The following SSH2 variants were observed in gnomAD, a reference collection of about 807,000 sequenced individuals.
SSH2 encodes slingshot protein phosphatase 2, also known as protein phosphatase Slingshot homolog 2.
SSH2 carries 37 observed loss-of-function variants against 135.2 expected under a neutral mutation model. The observed-to-expected ratio is 0.27, with a 90% confidence interval of 0.21 to 0.36. The LOEUF (loss-of-function observed/expected upper bound fraction) is 0.36. Among genes scored for constraint, SSH2 ranks in the 10% least tolerant of loss-of-function variants. The pLI is 1.00. For synonymous variants in SSH2, 628 were observed against 646.2 expected, an observed-to-expected ratio of 0.97 and a Z score of 0.43; for missense variants, 1,408 against 1,765.3, an observed-to-expected ratio of 0.80 and a Z score of 3.63.
intron 3 of SSH2, among the ~76,000 whole-genome samples, chr17:29,709,052 A>AGAGAGAGAGAGAGCGC (rs1491229455): frequency 2.4e-4 from 34 of 144,644 alleles, no homozygotes; most frequent in African/African-American, 7.9e-4. Flanking sequence ...AGAGAGAGAG[A>AGAGAGAGAGAGAGCGC]GCTAATAATA....
intron 2 of SSH2, among the ~76,000 whole-genome samples, chr17:29,805,011 T>G (rs1199097082): frequency 1.3e-5 from 2 of 151,664 alleles, no homozygotes; most frequent in Non-Finnish European, 2.9e-5. Flanking sequence ...GCAATAAGTC[T>G]TACAGTGTTC....
At chr17:29,734,084 AAT>A (rs1253379270) in intron 3 of SSH2, among the ~76,000 whole-genome samples, 3 of 151,938 alleles carry the variant, frequency 2.0e-5, no homozygotes, top group African/African-American at 7.3e-5. Context: ...ATGCCTGGCT[AAT>A]TTTTGTATTA....
At chr17:29,707,859 C>A (rs1044257981) in intron 3 of SSH2, among the ~76,000 whole-genome samples, 1 of 151,524 alleles carries the variant, frequency 6.6e-6, no homozygotes, top group Non-Finnish European at 1.5e-5. Context: ...ATAATAGGCG[C>A]GATACAGGCT....
chr17:29,704,054 C>A (rs2039099956), intron 3 of SSH2, among the ~76,000 whole-genome samples: 1 of 152,174 alleles, frequency 6.6e-6, no homozygotes, highest in East Asian at 1.9e-4. Context: ...CCAATGAGAA[C>A]AGAGCTTCTT....
rs140674798 is a variant in SSH2, at chr17:29,670,773, C to T, written c.809+1162G>A. 1.8e-3 allele frequency among the ~76,000 whole-genome samples: 278 copies of T among 152,086 alleles called. 2 individuals carry two copies. Among genetic ancestry groups the T allele is most frequent in the African/African-American group, 6.5e-3 (270 of 41,464 alleles). ...TGGGCGACAGAGTGAGACTTGGTCT[C>T]AAAAACTAAAATAAAATAAATTACT... On this transcript the variant is annotated intron_variant, in intron 9 of 15. Coordinates refer to ENST00000540801, the MANE Select transcript of SSH2 (RefSeq NM_001282129.2).
At chr17:29,670,977 C>G (rs2037469174) in intron 9 of SSH2, among the ~76,000 whole-genome samples, 1 of 152,064 alleles carries the variant, frequency 6.6e-6, no homozygotes, top group Non-Finnish European at 1.5e-5. Flanking sequence ...ACAAAGCAGG[C>G]ACTAAGTGTA....
At chr17:29,719,605 T>G (rs1289639651) in intron 3 of SSH2, among the ~76,000 whole-genome samples, 1 of 151,192 alleles carries the variant, frequency 6.6e-6, no homozygotes, top group African/African-American at 2.4e-5. Context: ...TGATGCCTAG[T>G]ACTTTACAAC....
At chr17:29,851,151 G>A (rs1278220037) in intron 1 of SSH2, among the ~76,000 whole-genome samples, 2 of 151,732 alleles carry the variant, frequency 1.3e-5, no homozygotes, top group Non-Finnish European at 1.5e-5. Flanking sequence ...CTCGTATTAG[G>A]AAAGCTAAAG....
Position 29,631,138 on chromosome 17 carries a change from T to C in SSH2, c.4056A>G (p.Glu1352=). 1 of 1,614,230 alleles carries C rather than the reference T, an allele frequency of 6.2e-7. No individual in the cohort carries two copies. The highest frequency in any genetic ancestry group is 8.5e-7 in the Non-Finnish European group (1 of 1,180,038). ...HNPEPTKSFV[E]QLTTTECIVQ... ...CAATACACTCTGTTGTTGTGAGTTG[T>C]TCTACAAAAGACTTGGTGGGCTCTG... Residue 1352 remains glutamate (E), a synonymous_variant, in exon 16 of 16, where the codon GAA becomes GAG. Transcript: ENST00000540801.
Position 29,632,409 on chromosome 17 carries a change from C to G in SSH2, c.2785G>C (p.Asp929His). The G allele has an allele frequency of 6.2e-7, 1 of 1,614,182 alleles. No homozygotes were observed. The highest frequency in any genetic ancestry group is 8.5e-7 in the Non-Finnish European group (1 of 1,180,018). Residue 929 changes from aspartate to histidine, a missense_variant, in exon 16 of 16, where the codon GAT becomes CAT. Asp to His is a moderately conservative substitution (Grantham distance 81). Around this residue, in one of 3 missense-constraint regions of SSH2, gnomAD observed 1,080 missense variants for 1,144.5 expected, o/e 0.94. Coordinates refer to ENST00000540801, the MANE Select transcript of SSH2 (RefSeq NM_001282129.2). The stretch of plus-strand genomic sequence containing the variant: ...GGTGCTAGGTCTGCCACAGAAGAAT[C>G]ATTCTTTGAATTCTTACGAGTGGAC... ...SLSTRKNSKNDSSVADLAPKG... is the reference protein window; with the variant it reads ...SLSTRKNSKNHSSVADLAPKG...
intron 3 of SSH2, among the ~76,000 whole-genome samples, chr17:29,770,048 G>A (rs942556434): frequency 1.3e-4 from 19 of 144,840 alleles, no homozygotes; most frequent in Admixed American, 9.7e-4. Context: ...CACAATCAGT[G>A]TATCAGTGTA....
At chr17:29,738,100 C>CG (rs1476868451) in intron 3 of SSH2, among the ~76,000 whole-genome samples, 3 of 152,004 alleles carry the variant, frequency 2.0e-5, no homozygotes, top group Non-Finnish European at 4.4e-5. Context: ...ACAAGGGGCC[C>CG]GGGTGTGTGA....
At chr17:29,652,764 TCTC>T (rs1164881803) in intron 12 of SSH2, among the ~76,000 whole-genome samples, 8 of 152,152 alleles carry the variant, frequency 5.3e-5, no homozygotes, top group Non-Finnish European at 1.2e-4. Context: ...TTCAAGCAAT[TCTC>T]CTGCCTCAGC....
At chr17:29,775,421 G>A (rs933542817) in intron 3 of SSH2, among the ~76,000 whole-genome samples, 2 of 150,424 alleles carry the variant, frequency 1.3e-5, no homozygotes, top group African/African-American at 2.4e-5. Context: ...CCCATATTAT[G>A]AACTTTTCAT....
intron 3 of SSH2, among the ~76,000 whole-genome samples, chr17:29,789,247 T>G (rs780799616): frequency 5.9e-5 from 9 of 152,190 alleles, no homozygotes; most frequent in Non-Finnish European, 1.0e-4. Flanking sequence ...GAACCAGAAC[T>G]TACTTGGAAC....
In SSH2 at chr17:29,873,131, C is replaced by G. The variant is rs567447681; in HGVS notation, c.64-24202G>C. Among the ~76,000 whole-genome samples the G allele has an allele frequency of 1.3e-4, 20 of 152,214 alleles. 1 individual carries two copies. The highest frequency in any genetic ancestry group is 1.2e-3 in the Admixed American group (18 of 15,290). On this transcript the variant is annotated intron_variant, in intron 1 of 15. Coordinates refer to ENST00000540801, the MANE Select transcript of SSH2 (RefSeq NM_001282129.2). Reference sequence around the variant, plus strand: ...TACGGAGTTAACAAGGCAAGCAAGCCAACCTGCAAGCAAAACAAAATATCC... The same window carrying G: ...TACGGAGTTAACAAGGCAAGCAAGCGAACCTGCAAGCAAAACAAAATATCC...
At chr17:29,660,040 G>A in intron 11 of SSH2, among the ~76,000 whole-genome samples, 1 of 151,192 alleles carries the variant, frequency 6.6e-6, no homozygotes, top group East Asian at 1.9e-4. Flanking sequence ...ATGTTGGCCA[G>A]GATGGTCTCA....
intron 3 of SSH2, among the ~76,000 whole-genome samples, chr17:29,760,868 T>C (rs913607088): frequency 6.6e-6 from 1 of 152,150 alleles, no homozygotes; most frequent in Non-Finnish European, 1.5e-5. Flanking sequence ...CCACAACTTC[T>C]GAGGGACAAC....
intron 3 of SSH2, among the ~76,000 whole-genome samples, chr17:29,740,064 TTG>T (rs747414595): frequency 1.4e-4 from 22 of 152,226 alleles, no homozygotes; most frequent in Non-Finnish European, 2.5e-4. Flanking sequence ...TAAAGCTGGA[TTG>T]ACCTCGCAGT....
Sources: allele counts gnomAD v4.1 joint callset (sites outside exome capture counted in the v4.1 genomes callset), GRCh38; gene constraint gnomAD v4.1.1; regional missense constraint gnomAD v4.1.1; transcripts MANE v1.5; gene names NCBI Gene and HGNC (gene_info 2026-07-23, HGNC 2026-07-21).